The following ZDHHC21 variants were observed in gnomAD, a reference collection of about 807,000 sequenced individuals.
The protein encoded by ZDHHC21 is zDHHC palmitoyltransferase 21, also known as palmitoyltransferase ZDHHC21.
Under a neutral mutation model 34.6 loss-of-function variants are expected in ZDHHC21, and 15 were observed. The observed-to-expected ratio is 0.43, with a 90% CI of 0.29 to 0.67. ZDHHC21 has a LOEUF of 0.67. Ranked by LOEUF, ZDHHC21 falls within the 30% of genes least tolerant of loss-of-function variation. The pLI, the probability that ZDHHC21 is intolerant of heterozygous loss-of-function variation, is 0.14. For missense variants in ZDHHC21, 344 were observed against 327.7 expected (o/e 1.05, Z -0.38); for synonymous variants, 142 against 101.8 (o/e 1.40, Z -2.38).
At chr9:14,642,339 T>C (rs1829512675) in intron 7 of ZDHHC21, among the ~76,000 whole-genome samples, 1 of 152,174 alleles carries the variant, frequency 6.6e-6, no homozygotes, top group East Asian at 1.9e-4. Context: ...CTGTCTTAGA[T>C]TTTTTTAGAT....
intron 7 of ZDHHC21, among the ~76,000 whole-genome samples, chr9:14,650,172 G>T (rs1830977768): frequency 6.6e-6 from 1 of 151,794 alleles, no homozygotes; most frequent in Admixed American, 6.6e-5. Flanking sequence ...GAGATATACT[G>T]ACAAATGGAA....
chr9:14,639,545 A>C (rs746863891), intron 8 of ZDHHC21, among the ~76,000 whole-genome samples: 4 of 152,088 alleles, frequency 2.6e-5, no homozygotes, highest in Non-Finnish European at 4.4e-5. Flanking sequence ...ACTCAAGGTG[A>C]TGGAGACCCC....
At chr9:14,644,819 T>TACACACAC (rs527554683) in intron 7 of ZDHHC21, among the ~76,000 whole-genome samples, 1 of 142,636 alleles carries the variant, frequency 7.0e-6, no homozygotes, top group Non-Finnish European at 1.6e-5. Context: ...TACATATGTA[T>TACACACAC]ACACACACAC....
intron 5 of ZDHHC21, among the ~76,000 whole-genome samples, chr9:14,670,168 C>T (rs1053193455): frequency 5.9e-5 from 9 of 152,020 alleles, no homozygotes; most frequent in African/African-American, 1.7e-4. Context: ...AACATAAACA[C>T]GGTGTATTCA....
the ZDHHC21 span, among the ~76,000 whole-genome samples, chr9:14,599,134 G>A: frequency 6.6e-6 from 1 of 152,208 alleles, no homozygotes; most frequent in Non-Finnish European, 1.5e-5. Flanking sequence ...CACCATGTAA[G>A]AAGTGCCTTT....
the ZDHHC21 span, chr9:14,588,997 A>G: frequency 6.6e-6 from 1 of 150,682 alleles, no homozygotes; most frequent in Non-Finnish European, 1.5e-5. Flanking sequence ...CCTCCTCATC[A>G]TCCTCTTGCA....
chr9:14,654,626 G>C (rs1200900358), intron 7 of ZDHHC21, among the ~76,000 whole-genome samples: 1 of 151,956 alleles, frequency 6.6e-6, no homozygotes, highest in East Asian at 1.9e-4. Flanking sequence ...TAAAAAAATA[G>C]ATGACAAAAT....
intron 2 of ZDHHC21, among the ~76,000 whole-genome samples, chr9:14,688,963 A>G (rs1838766197): frequency 6.6e-6 from 1 of 152,024 alleles, no homozygotes; most frequent in South Asian, 2.1e-4. Context: ...AGGATCGCTT[A>G]AGCCAGGGAG....
At chr9:14,654,308 T>A (rs138608126) in intron 7 of ZDHHC21, among the ~76,000 whole-genome samples, 1 of 152,166 alleles carries the variant, frequency 6.6e-6, no homozygotes, top group South Asian at 2.1e-4. Context: ...AACTGCTATA[T>A]TAAGACCAAT....
At position 14,618,438 on chromosome 9, in the gene ZDHHC21, C is replaced by A. The variant is rs1824666639; in HGVS notation, c.*528G>T. Reference sequence around the variant, plus strand: ...CCGTTTTGTGTTGCTGTTGTTCACTCCTATGCTGCTGCATTTTTAAAAACG... The same window carrying A: ...CCGTTTTGTGTTGCTGTTGTTCACTACTATGCTGCTGCATTTTTAAAAACG... On this transcript the variant is annotated 3_prime_UTR_variant, in exon 10 of 10. Transcript: ENST00000380916. 1 of 152,476 alleles carries A rather than the reference C, an allele frequency of 6.6e-6. No individual in the cohort carries two copies. The highest frequency in any genetic ancestry group is 2.4e-5 in the African/African-American group (1 of 41,396). The allele number at this position is 152,476 out of a possible 1,614,324, so 9.4% of individuals were successfully genotyped here.
chr9:14,607,579 A>G (rs1400007697), downstream of ZDHHC21, among the ~76,000 whole-genome samples: 1 of 131,820 alleles, frequency 7.6e-6, no homozygotes, highest in East Asian at 2.3e-4. Flanking sequence ...GGTAACGGCA[A>G]TTTTTTCCAT....
At chr9:14,670,558 C>G (rs1014111078) in intron 5 of ZDHHC21, among the ~76,000 whole-genome samples, 3 of 151,904 alleles carry the variant, frequency 2.0e-5, no homozygotes, top group Admixed American at 2.0e-4. Flanking sequence ...CTGTATGGCC[C>G]ATAAAGCTGA....
chr9:14,671,742 C>A (rs1323140307), intron 5 of ZDHHC21, among the ~76,000 whole-genome samples: 3 of 152,148 alleles, frequency 2.0e-5, no homozygotes, highest in Non-Finnish European at 2.9e-5. Context: ...GATGGTTACA[C>A]AACTGTGGGC....
At chr9:14,622,089 T>C (rs1238727665) in intron 8 of ZDHHC21, among the ~76,000 whole-genome samples, 2 of 152,120 alleles carry the variant, frequency 1.3e-5, no homozygotes, top group Non-Finnish European at 2.9e-5. Flanking sequence ...GTTTTTACTA[T>C]GTGTCGTCTA....
intron 5 of ZDHHC21, among the ~76,000 whole-genome samples, chr9:14,670,930 C>T (rs1441661977): frequency 1.3e-5 from 2 of 152,044 alleles, no homozygotes; most frequent in Admixed American, 1.3e-4. Context: ...TTCCTTTACT[C>T]ATGTCCACAA....
At chr9:14,682,229 A>G (rs1052124232) in intron 2 of ZDHHC21, among the ~76,000 whole-genome samples, 1 of 152,254 alleles carries the variant, frequency 6.6e-6, no homozygotes, top group African/African-American at 2.4e-5. Context: ...TGCCCCAATT[A>G]AAAGACACAG....
intron 3 of ZDHHC21, among the ~76,000 whole-genome samples, chr9:14,675,408 T>G (rs370592813): frequency 6.6e-6 from 1 of 151,936 alleles, no homozygotes; most frequent in Admixed American, 6.6e-5. Context: ...TTTTTAAAAA[T>G]ACATATTCCC....
At chr9:14,671,682 G>A (rs958397575) in intron 5 of ZDHHC21, among the ~76,000 whole-genome samples, 3 of 151,884 alleles carry the variant, frequency 2.0e-5, no homozygotes, top group African/African-American at 7.3e-5. Context: ...ACCACATGTC[G>A]AACATTCAAG....
chr9:14,675,815 T>C (rs1428011335), intron 3 of ZDHHC21, among the ~76,000 whole-genome samples: 1 of 151,940 alleles, frequency 6.6e-6, no homozygotes, highest in Non-Finnish European at 1.5e-5. Context: ...TAAGACTTAC[T>C]GTAAGAAGTG....
Sources: gnomAD v4.1 joint callset for allele counts (sites outside exome capture counted in the v4.1 genomes callset) on GRCh38, gnomAD v4.1.1 for gene constraint, MANE v1.5 for transcripts, NCBI Gene and HGNC (gene_info 2026-07-23, HGNC 2026-07-21) for gene names.